Variants in ATF7 observed in about 807,000 individuals in gnomAD.
The protein encoded by ATF7 is activating transcription factor 7.
In ATF7, 10 loss-of-function variants were observed where a neutral mutation model predicts 50.4. That is an observed-to-expected ratio of 0.20 (90% confidence interval 0.12 to 0.34). ATF7 has a LOEUF of 0.34. Among genes scored for constraint, ATF7 ranks in the 10% least tolerant of loss-of-function variants. The pLI, the probability that ATF7 is intolerant of heterozygous loss-of-function variation, is 1.00. For synonymous variants in ATF7, 201 were observed against 226.4 expected (o/e 0.89, Z 1.01); for missense variants, 465 against 613.9 (o/e 0.76, Z 2.56).
At position 53,517,218 on chromosome 12, in the gene ATF7, C is replaced by T; in HGVS notation, c.1371G>A (p.Met457Ile). ...EAVATSVLTQ[M>I]ASQRTELSMP... is the part of the protein sequence containing the mutation. ...TGCTCAGTTCTGTCCTTTGGCTGGC[C>T]ATCTGAGTGAGGACCGAGGTGGCCA... Residue 457 changes from methionine (M) to isoleucine (I), a missense_variant, in exon 12 of 12, where the codon ATG becomes ATA. Coordinates refer to ENST00000420353, the MANE Select transcript of ATF7 (RefSeq NM_006856.3). 6.2e-7 allele frequency: 1 copy of T among 1,614,030 alleles called. No individual in the cohort carries two copies. Among genetic ancestry groups the T allele is most frequent in the Non-Finnish European group, 8.5e-7 (1 of 1,179,894 alleles).
At chr12:53,579,163 GA>G (rs553882445) in intron 2 of ATF7, among the ~76,000 whole-genome samples, 1,610 of 152,246 alleles carry the variant, frequency 0.011, 12 homozygotes, top group Non-Finnish European at 0.017. Flanking sequence ...AGAATCACTT[GA>G]ACCTGGGAGG....
intron 1 of ATF7, among the ~76,000 whole-genome samples, chr12:53,613,650 A>C (rs769252251): frequency 6.6e-6 from 1 of 151,806 alleles, no homozygotes; most frequent in Non-Finnish European, 1.5e-5. Context: ...CCTCCTGAGT[A>C]GCTGGGACTA....
chr12:53,565,550 T>C lies in ATF7; in HGVS notation c.49-12913A>G, dbSNP rs527446062. Among the ~76,000 whole-genome samples the C allele has an allele frequency of 8.3e-4, 126 of 152,162 alleles. 1 individual carries two copies. Among genetic ancestry groups the C allele is most frequent in the African/African-American group, 2.6e-3 (108 of 41,524 alleles). The stretch of plus-strand genomic sequence containing the variant: ...CTTCATCACCCAGACTGGAGTATAG[T>C]GGCATGATATTGGCTAACTGCAACC... On this transcript the variant is annotated intron_variant, in intron 2 of 11. Transcript: ENST00000420353.
At chr12:53,606,304 A>G (rs1943603306) in intron 1 of ATF7, among the ~76,000 whole-genome samples, 1 of 152,004 alleles carries the variant, frequency 6.6e-6, no homozygotes, top group Non-Finnish European at 1.5e-5. Context: ...GAGTGAGTGC[A>G]ATGGCATGAT....
intron 11 of ATF7, among the ~76,000 whole-genome samples, chr12:53,520,913 A>G (rs1191612074): frequency 6.6e-6 from 1 of 151,830 alleles, no homozygotes; most frequent in African/African-American, 2.4e-5. Context: ...CCTTGCTTGT[A>G]TTACCGTAAC....
intron 2 of ATF7, among the ~76,000 whole-genome samples, chr12:53,555,117 C>T (rs1357320759): frequency 1.3e-5 from 2 of 151,830 alleles, no homozygotes; most frequent in African/African-American, 4.8e-5. Flanking sequence ...GTCAGGAGTT[C>T]GAGACCAGAC....
chr12:53,552,287 GA>G, intron 3 of ATF7, among the ~76,000 whole-genome samples: 1 of 151,654 alleles, frequency 6.6e-6, no homozygotes, highest in East Asian at 1.9e-4. Flanking sequence ...GTAATAGACC[GA>G]AAAAAAACTA....
At chr12:53,523,710 T>G (rs374357288) in intron 10 of ATF7, among the ~76,000 whole-genome samples, 4 of 152,214 alleles carry the variant, frequency 2.6e-5, no homozygotes, top group East Asian at 1.9e-4. Context: ...ACAGAACTGT[T>G]TACTCAGGTG....
chr12:53,510,120 A>G (rs1469520247), downstream of ATF7, among the ~76,000 whole-genome samples: 1 of 150,276 alleles, frequency 6.7e-6, no homozygotes, highest in Non-Finnish European at 1.5e-5. Context: ...GCTCACCACA[A>G]CATCTGCCTC....
At chr12:53,587,440 G>A (rs146831841) in intron 2 of ATF7, among the ~76,000 whole-genome samples, 101 of 150,294 alleles carry the variant, frequency 6.7e-4, no homozygotes, top group Non-Finnish European at 1.2e-3. Context: ...TGAGATGGGC[G>A]GATCACTTGG....
In ATF7 at chr12:53,620,353, G is replaced by A. The variant is rs369138125; in HGVS notation, c.-22+5926C>T. Among the ~76,000 whole-genome samples the A allele has an allele frequency of 2.6e-5, 4 of 151,754 alleles. No individual in the cohort carries two copies. The South Asian group carries it at 6.2e-4, about 24-fold the overall frequency. The stretch of plus-strand genomic sequence containing the variant: ...GCACTTTGGGAGGCCGAGGCGGGCG[G>A]ATCACGAGGTCAGGAGATCGAGACC... On this transcript the variant is annotated intron_variant, in intron 1 of 11. Coordinates refer to ENST00000420353, the MANE Select transcript of ATF7 (RefSeq NM_006856.3).
intron 2 of ATF7, among the ~76,000 whole-genome samples, chr12:53,570,820 T>G (rs1941710922): frequency 6.6e-6 from 1 of 151,240 alleles, no homozygotes; most frequent in African/African-American, 2.4e-5. Context: ...CATATTGGAG[T>G]AGGGGCCCAC....
chr12:53,605,331 G>A (rs1943558172), intron 1 of ATF7, among the ~76,000 whole-genome samples: 1 of 146,740 alleles, frequency 6.8e-6, no homozygotes, highest in South Asian at 2.2e-4. Context: ...AGAGTTTGCA[G>A]TGAGCTGAGA....
rs369186071 is a variant in ATF7 at position 53,517,147 on chromosome 12, G to T, written c.1442C>A (p.Ala481Glu). 3.0e-5 allele frequency: 48 copies of T among 1,611,550 alleles called. No homozygotes were observed. The African/African-American group carries it at 5.6e-4, about 19-fold the overall frequency. The stretch of plus-strand genomic sequence containing the variant: ...CCACCAGAGGAGGCATCATCTGCCC[G>T]CAGACTGGGACTGTGGGGTCATGAT... ...HVIMTPQSQS[A>E]GR The change falls in exon 12 of 12, where the codon GCG (alanine) becomes GAG (glutamate). Residue 481 changes from alanine (A) to glutamate (E), a missense_variant. Coordinates refer to ENST00000420353, the MANE Select transcript of ATF7 (RefSeq NM_006856.3).
At chr12:53,615,310 G>A (rs189226891) in intron 1 of ATF7, among the ~76,000 whole-genome samples, 214 of 152,096 alleles carry the variant, frequency 1.4e-3, no homozygotes, top group Admixed American at 2.9e-3. Context: ...CATGAACCCG[G>A]GAGGCGAAGC....
At chr12:53,534,857 T>A (rs914647878) in intron 5 of ATF7, among the ~76,000 whole-genome samples, 198 bp from the exon 6 acceptor site, 1 of 152,194 alleles carries the variant, frequency 6.6e-6, no homozygotes, top group Non-Finnish European at 1.5e-5. Context: ...GATCTCTTGG[T>A]CATCTCCCCT....
intron 5 of ATF7, among the ~76,000 whole-genome samples, chr12:53,535,647 T>C (rs1055001309): frequency 1.3e-5 from 2 of 152,134 alleles, no homozygotes; most frequent in South Asian, 4.1e-4. Context: ...TATATTTCAA[T>C]AAATGTATTA....
At chr12:53,560,713 G>A (rs759059388) in intron 2 of ATF7, among the ~76,000 whole-genome samples, 16 of 152,090 alleles carry the variant, frequency 1.1e-4, no homozygotes, top group Non-Finnish European at 1.9e-4. Context: ...GAGTAGACTG[G>A]GGTAAGAAGA....
intron 2 of ATF7, among the ~76,000 whole-genome samples, chr12:53,568,768 TTGGATGTTTA>T (rs1941590095): frequency 6.6e-6 from 1 of 152,194 alleles, no homozygotes; most frequent in East Asian, 1.9e-4. Context: ...AACTTCAATT[TTGGATGTTTA>T]CTTTCTAACC....
Sources: gnomAD v4.1 joint callset for allele counts (sites outside exome capture counted in the v4.1 genomes callset) on GRCh38, gnomAD v4.1.1 for gene constraint, MANE v1.5 for transcripts, NCBI Gene and HGNC (gene_info 2026-07-23, HGNC 2026-07-21) for gene names.